The following PTPN4 variants were observed in gnomAD, a reference collection of about 807,000 sequenced individuals.
The protein encoded by PTPN4 is protein tyrosine phosphatase non-receptor type 4, also known as tyrosine-protein phosphatase non-receptor type 4.
In PTPN4, 49 loss-of-function variants were observed where a neutral mutation model predicts 135.5. That is an observed-to-expected ratio of 0.36 (90% confidence interval 0.29 to 0.46). The LOEUF is 0.46. Among genes scored for constraint, PTPN4 ranks in the 20% least tolerant of loss-of-function variants. The probability of loss-of-function intolerance (pLI) is 1.00; values close to 1 mark genes in which losing one functional copy is unlikely to be tolerated. For missense variants in PTPN4, 860 were observed against 1,101.0 expected, an observed-to-expected ratio of 0.78 and a Z score of 3.10; for synonymous variants, 333 against 369.9, an observed-to-expected ratio of 0.90 and a Z score of 1.14.
intron 1 of PTPN4, among the ~76,000 whole-genome samples, chr2:119,790,588 T>C (rs902488488): frequency 2.6e-5 from 4 of 152,110 alleles, no homozygotes; most frequent in Non-Finnish European, 4.4e-5. Flanking sequence ...ATCTGAAATA[T>C]GGCTTTTGTA....
At chr2:119,897,970 C>A (rs1678348573) in intron 9 of PTPN4, among the ~76,000 whole-genome samples, 1 of 152,136 alleles carries the variant, frequency 6.6e-6, no homozygotes, top group Admixed American at 6.5e-5. Context: ...TGTAGTTGGT[C>A]CGTGAAGAGA....
At chr2:119,935,758 T>C (rs1678973412) in intron 15 of PTPN4, among the ~76,000 whole-genome samples, 1 of 152,176 alleles carries the variant, frequency 6.6e-6, no homozygotes, top group Non-Finnish European at 1.5e-5. Flanking sequence ...TTTTAATAAT[T>C]ATATATGTTC....
chr2:119,794,087 A>T (rs111904315), intron 1 of PTPN4, among the ~76,000 whole-genome samples: 1 of 151,720 alleles, frequency 6.6e-6, no homozygotes, highest in Non-Finnish European at 1.5e-5. Flanking sequence ...GGCTCAAGCT[A>T]TCTGCCCACC....
At chr2:119,804,608 CTCAT>C (rs1691435604) in intron 1 of PTPN4, among the ~76,000 whole-genome samples, 1 of 152,192 alleles carries the variant, frequency 6.6e-6, no homozygotes, top group South Asian at 2.1e-4. Flanking sequence ...AGGACGTGAA[CTCAT>C]CCTTTTTTAT....
At chr2:119,786,317 A>G (rs1391244409) in intron 1 of PTPN4, among the ~76,000 whole-genome samples, 1 of 152,210 alleles carries the variant, frequency 6.6e-6, no homozygotes, top group African/African-American at 2.4e-5. Context: ...ATTTGCAAAC[A>G]TACTGTATTG....
intron 23 of PTPN4, among the ~76,000 whole-genome samples, chr2:119,961,632 G>T (rs1392875892): frequency 6.6e-6 from 1 of 152,182 alleles, no homozygotes; most frequent in Non-Finnish European, 1.5e-5. Context: ...TATTTATAAT[G>T]GCCAAAATGT....
rs117110197 is a variant in PTPN4, at chr2:119,850,312, T to A, written c.139-12224T>A. ...GTAGGGGCAGTGTCCTTTACTTGAT[T>A]TGCCTCTCCCTACATGGAATTTCTG... On this transcript the variant is annotated intron_variant, in intron 2 of 26. Coordinates refer to ENST00000263708, the MANE Select transcript of PTPN4 (RefSeq NM_002830.4). 3.6e-4 allele frequency among the ~76,000 whole-genome samples: 55 copies of A among 152,274 alleles called. 3 individuals carry two copies. The East Asian group carries it at 0.011, about 29-fold the overall frequency.
At chr2:119,889,506 T>G (rs1678210270) in intron 9 of PTPN4, among the ~76,000 whole-genome samples, 1 of 152,246 alleles carries the variant, frequency 6.6e-6, no homozygotes, top group South Asian at 2.1e-4. Flanking sequence ...TTTACTTATT[T>G]GGGTGTTCTG....
At chr2:119,964,251 A>G (rs753148848) in intron 24 of PTPN4, among the ~76,000 whole-genome samples, 9 of 152,320 alleles carry the variant, frequency 5.9e-5, no homozygotes, top group Admixed American at 2.0e-4. Flanking sequence ...CTGATCCTTT[A>G]AAGTATAGAT....
chr2:119,890,903 A>G (rs1678230559), intron 9 of PTPN4, among the ~76,000 whole-genome samples: 1 of 152,148 alleles, frequency 6.6e-6, no homozygotes, highest in African/African-American at 2.4e-5. Flanking sequence ...CAGCACTTTC[A>G]GTATATCATT....
chr2:119,971,359 C>T (rs569552455), intron 26 of PTPN4, among the ~76,000 whole-genome samples: 2 of 152,346 alleles, frequency 1.3e-5, no homozygotes, highest in South Asian at 2.1e-4. Flanking sequence ...AAGGCCTCTC[C>T]TCCAACACTG....
At chr2:119,947,068 C>T (rs72952813) in intron 18 of PTPN4, among the ~76,000 whole-genome samples, 3,871 of 152,228 alleles carry the variant, frequency 0.025, 167 homozygotes, top group African/African-American at 0.087. Context: ...TCCTATTACT[C>T]ATTGTTCAGC....
chr2:119,861,469 A>G (rs965065724), intron 2 of PTPN4, among the ~76,000 whole-genome samples: 1 of 152,194 alleles, frequency 6.6e-6, no homozygotes, highest in Non-Finnish European at 1.5e-5. Context: ...TCTCTAGTGA[A>G]TTTATTGATA....
At chr2:119,848,703 C>T (rs34871894) in intron 2 of PTPN4, among the ~76,000 whole-genome samples, 20 of 152,070 alleles carry the variant, frequency 1.3e-4, no homozygotes, top group Middle Eastern at 3.2e-3. Context: ...TGGGTTCAAG[C>T]GATTCTCCTG....
At chr2:119,892,030 A>G (rs1477579505) in intron 9 of PTPN4, among the ~76,000 whole-genome samples, 1 of 152,222 alleles carries the variant, frequency 6.6e-6, no homozygotes, top group African/African-American at 2.4e-5. Flanking sequence ...ATTTATAGAT[A>G]TCGTAGACAT....
chr2:119,825,481 G>C (rs532994262), intron 2 of PTPN4, among the ~76,000 whole-genome samples: 2 of 149,894 alleles, frequency 1.3e-5, no homozygotes, highest in African/African-American at 4.9e-5. Context: ...TAGAGCCCAG[G>C]CTAGAACCCA....
chr2:119,806,609 C>T (rs1432216194), intron 1 of PTPN4, among the ~76,000 whole-genome samples: 3 of 152,140 alleles, frequency 2.0e-5, no homozygotes, highest in Admixed American at 1.3e-4. Flanking sequence ...GAGACTTAGA[C>T]TCCCACACAA....
chr2:119,952,258 A>G, intron 19 of PTPN4, 129 bp downstream of exon 19: 3 of 792,218 alleles, frequency 3.8e-6, no homozygotes, highest in Non-Finnish European at 5.7e-6. Flanking sequence ...AGTGGCTTTC[A>G]TTGACACGTG....
chr2:119,923,768 C>T (rs1678771843), intron 12 of PTPN4, among the ~76,000 whole-genome samples: 1 of 152,008 alleles, frequency 6.6e-6, no homozygotes, highest in African/African-American at 2.4e-5. Flanking sequence ...CAATTCTTGA[C>T]AACCGTGAGA....
Sources: gnomAD v4.1 joint callset for allele counts (sites outside exome capture counted in the v4.1 genomes callset) on GRCh38, gnomAD v4.1.1 for gene constraint, MANE v1.5 for transcripts, NCBI Gene and HGNC (gene_info 2026-07-23, HGNC 2026-07-21) for gene names.